The following DPYD variants were observed in gnomAD, a reference collection of about 807,000 sequenced individuals.
DPYD encodes dihydropyrimidine dehydrogenase, also known as dihydropyrimidine dehydrogenase [NADP(+)].
Under a neutral mutation model 116.2 loss-of-function variants are expected in DPYD, and 109 were observed. The observed-to-expected ratio is 0.94, with a 90% CI of 0.80 to 1.10. The LOEUF (loss-of-function observed/expected upper bound fraction) is 1.10. Among genes scored for constraint, DPYD ranks in the 50% least tolerant of loss-of-function variants. The probability of loss-of-function intolerance (pLI) is 0.00; values close to 1 mark genes in which losing one functional copy is unlikely to be tolerated. For missense variants in DPYD, 1,302 were observed against 1,254.5 expected, an observed-to-expected ratio of 1.04 and a Z score of -0.57; for synonymous variants, 440 against 432.0, an observed-to-expected ratio of 1.02 and a Z score of -0.23.
chr1:97,136,764 C>T (rs1009866148), intron 20 of DPYD, among the ~76,000 whole-genome samples: 2 of 152,130 alleles, frequency 1.3e-5, no homozygotes, highest in African/African-American at 4.8e-5. Context: ...CATTAAATGA[C>T]ACCTTTAAAG....
chr1:97,569,509 T>G (rs557700576), intron 11 of DPYD, among the ~76,000 whole-genome samples: 1 of 150,648 alleles, frequency 6.6e-6, no homozygotes, highest in African/African-American at 2.4e-5. Flanking sequence ...TTTAGAACTT[T>G]CCAGTGAATG....
intron 4 of DPYD, among the ~76,000 whole-genome samples, chr1:97,734,887 T>A (rs1265495901): frequency 6.6e-6 from 1 of 152,230 alleles, no homozygotes; most frequent in Non-Finnish European, 1.5e-5. Flanking sequence ...ACTAGGATTG[T>A]GTAAGTCCAC....
chr1:97,125,010 C>A (rs567285489), intron 20 of DPYD, among the ~76,000 whole-genome samples: 2 of 152,164 alleles, frequency 1.3e-5, no homozygotes, highest in African/African-American at 4.8e-5. Context: ...AGTAAAACTG[C>A]AACTTCAAAA....
At chr1:97,273,911 G>C (rs950977440) in intron 18 of DPYD, among the ~76,000 whole-genome samples, 3 of 152,124 alleles carry the variant, frequency 2.0e-5, no homozygotes, top group Non-Finnish European at 2.9e-5. Context: ...GCAACAAAAA[G>C]TTCACAAGCC....
At chr1:97,738,441 C>T (rs1664082426) in intron 4 of DPYD, among the ~76,000 whole-genome samples, 1 of 152,076 alleles carries the variant, frequency 6.6e-6, no homozygotes, top group African/African-American at 2.4e-5. Context: ...ATCACAGAAG[C>T]CTAACACAAT....
intron 10 of DPYD, among the ~76,000 whole-genome samples, chr1:97,579,078 T>C (rs1200413371): frequency 2.6e-5 from 4 of 152,188 alleles, no homozygotes; most frequent in Non-Finnish European, 5.9e-5. Flanking sequence ...CCAAGAGTGA[T>C]ATTAAAATAG....
intron 19 of DPYD, among the ~76,000 whole-genome samples, chr1:97,201,267 T>G (rs1659180614): frequency 6.6e-6 from 1 of 152,154 alleles, no homozygotes; most frequent in African/African-American, 2.4e-5. Flanking sequence ...AACTGGAAAC[T>G]AAATTTCTCC....
chr1:97,584,740 A>C (rs1465235035), intron 10 of DPYD, among the ~76,000 whole-genome samples: 2 of 140,640 alleles, frequency 1.4e-5, no homozygotes, highest in African/African-American at 5.3e-5. Context: ...ATAGGTGGGA[A>C]TTGAACAATG....
chr1:97,457,717 A>G (rs1676764443), intron 13 of DPYD, among the ~76,000 whole-genome samples: 1 of 152,206 alleles, frequency 6.6e-6, no homozygotes, highest in African/African-American at 2.4e-5. Context: ...GCTGGGAAAT[A>G]AACCGGAAAT....
At chr1:97,291,041 C>T (rs1003283169) in intron 18 of DPYD, among the ~76,000 whole-genome samples, 1 of 152,194 alleles carries the variant, frequency 6.6e-6, no homozygotes, top group Admixed American at 6.5e-5. Flanking sequence ...TGAACAGACA[C>T]TTCTCAAAAG....
intron 8 of DPYD, among the ~76,000 whole-genome samples, chr1:97,650,835 T>A (rs928886049): frequency 6.6e-6 from 1 of 151,888 alleles, no homozygotes; most frequent in African/African-American, 2.4e-5. Flanking sequence ...AGTGAATAAT[T>A]CAAGGTGTGT....
intron 10 of DPYD, 130 bp downstream of exon 10, chr1:97,593,088 T>C: frequency 9.4e-7 from 1 of 1,062,718 alleles, no homozygotes. Flanking sequence ...AAGAAACAAT[T>C]ATGTGTAGCC....
intron 3 of DPYD, among the ~76,000 whole-genome samples, chr1:97,766,246 A>T (rs554197326): frequency 6.6e-6 from 1 of 152,160 alleles, no homozygotes; most frequent in Non-Finnish European, 1.5e-5. Flanking sequence ...AGTCTCAAAA[A>T]AAATAAATAA....
intron 12 of DPYD, among the ~76,000 whole-genome samples, chr1:97,549,103 T>C (rs922372692): frequency 5.9e-4 from 90 of 152,028 alleles, no homozygotes; most frequent in Non-Finnish European, 1.3e-4. Context: ...TCTCTCTCTG[T>C]TGTCCAGGTT....
At chr1:97,365,939 T>C (rs1223397971) in intron 16 of DPYD, among the ~76,000 whole-genome samples, 2 of 152,184 alleles carry the variant, frequency 1.3e-5, no homozygotes, top group African/African-American at 2.4e-5. Context: ...GGCCTATATA[T>C]AATGTTTTTT....
intron 13 of DPYD, among the ~76,000 whole-genome samples, chr1:97,478,782 A>G (rs1678137871): frequency 6.6e-6 from 1 of 152,236 alleles, no homozygotes. Context: ...TTTTGTCTAC[A>G]TCGAAAATCT....
At chr1:97,775,181 A>G (rs944967321) in intron 3 of DPYD, among the ~76,000 whole-genome samples, 5 of 152,180 alleles carry the variant, frequency 3.3e-5, no homozygotes, top group Admixed American at 1.3e-4. Flanking sequence ...TTTTTTTCCT[A>G]ATAGGTTAGA....
chr1:97,189,712 A>G (rs1049452672), intron 20 of DPYD, among the ~76,000 whole-genome samples: 2 of 152,178 alleles, frequency 1.3e-5, no homozygotes, highest in African/African-American at 4.8e-5. Flanking sequence ...GCCCATAGTT[A>G]AAACCTTTGG....
At chr1:97,609,705 G>A (rs1389581638) in intron 8 of DPYD, among the ~76,000 whole-genome samples, 2 of 151,652 alleles carry the variant, frequency 1.3e-5, no homozygotes, top group African/African-American at 2.4e-5. Flanking sequence ...TATACTTTAG[G>A]GCAGCATTTA....
Sources: allele counts gnomAD v4.1 joint callset (sites outside exome capture counted in the v4.1 genomes callset), GRCh38; gene constraint gnomAD v4.1.1; transcripts MANE v1.5; gene names NCBI Gene and HGNC (gene_info 2026-07-23, HGNC 2026-07-21).